The following PCDHA8 variants were observed in gnomAD, a reference collection of about 807,000 sequenced individuals.
PCDHA8 encodes protocadherin alpha-8.
PCDHA8 carries 53 observed loss-of-function variants against 61.8 expected under a neutral mutation model. The ratio of observed to expected loss-of-function variants is 0.86; its 90% CI spans 0.69 to 1.08. PCDHA8 has a LOEUF of 1.08. Ranked by LOEUF, PCDHA8 falls within the 50% of genes least tolerant of loss-of-function variation. The pLI is 0.00. For synonymous variants in PCDHA8, 618 were observed against 556.6 expected, an observed-to-expected ratio of 1.11 and a Z score of -1.55; for missense variants, 1,293 against 1,245.0, an observed-to-expected ratio of 1.04 and a Z score of -0.58.
rs745800805 is a variant in PCDHA8, at chr5:140,935,890, T to C, written c.2395-43059T>C. 2.5e-4 allele frequency among the ~76,000 whole-genome samples: 34 copies of C among 135,750 alleles called. 1 individual carries two copies. Among genetic ancestry groups the C allele is most frequent in the Non-Finnish European group, 4.4e-4 (27 of 61,954 alleles). 89.1% of individuals were successfully genotyped at this position (135,750 alleles called of 152,430 possible). A position where few individuals can be genotyped will look rare whatever the true frequency, so the allele number is the denominator to read the frequency against. On this transcript the variant is annotated intron_variant, in intron 1 of 3. Coordinates refer to ENST00000531613, the MANE Select transcript of PCDHA8 (RefSeq NM_018911.3). ...ATTAATGAGCTCCAATTTATCAATA[T>C]TATCTTTTTTTTTTTTTTTTGAGAC...
intron 1 of PCDHA8, chr5:140,877,033 C>A: frequency 6.2e-7 from 1 of 1,612,480 alleles, no homozygotes; most frequent in East Asian, 2.2e-5. Flanking sequence ...GTACGCGCTG[C>A]AGCCGCTAGA....
At chr5:140,967,980 A>C in intron 1 of PCDHA8, 1 of 1,614,198 alleles carries the variant, frequency 6.2e-7, no homozygotes, top group South Asian at 1.1e-5. Context: ...CTGGGTCTGG[A>C]GGCCACACTG....
chr5:140,884,443 A>G (rs568353165), intron 1 of PCDHA8: 2 of 1,613,454 alleles, frequency 1.2e-6, no homozygotes, highest in South Asian at 2.2e-5. Flanking sequence ...GGTGCTCGGC[A>G]CCGCCCACCG....
At chr5:140,877,196 G>C (rs782703953) in intron 1 of PCDHA8, 1 of 1,613,808 alleles carries the variant, frequency 6.2e-7, no homozygotes, top group East Asian at 2.2e-5. Context: ...AGCGCAGGAG[G>C]CGCAGTTAGC....
intron 1 of PCDHA8, among the ~76,000 whole-genome samples, chr5:140,844,305 T>C (rs1779315965): frequency 1.3e-5 from 2 of 149,704 alleles, no homozygotes; most frequent in Non-Finnish European, 3.0e-5. Context: ...ATAGTTTTCA[T>C]ATTCTTCCTA....
rs782098088 is a variant in PCDHA8, at chr5:140,856,583, CT to C, written c.2394+12870del. On this transcript the variant is annotated intron_variant, in intron 1 of 3. Transcript: ENST00000531613. Reference sequence around the variant, plus strand: ...ACTCAGTCCAAATGAGTATTTTGTTCTTGATATTATAAACAAAAAAGACAAA... The same window carrying C: ...ACTCAGTCCAAATGAGTATTTTGTTCTGATATTATAAACAAAAAAGACAAA... The C allele has an allele frequency of 1.3e-6, 2 of 1,597,002 alleles. 1 individual carries two copies. Among genetic ancestry groups the C allele is most frequent in the African/African-American group, 2.7e-5 (2 of 74,388 alleles).
In PCDHA8 at chr5:140,863,213, A is replaced by C. The variant is rs1554157955; in HGVS notation, c.2394+19498A>C. 2.9e-6 allele frequency: 3 copies of C among 1,051,332 alleles called. No individual in the cohort carries two copies. The South Asian group carries it at 3.7e-5, about 13-fold the overall frequency. The allele number at this position is 1,051,332 out of a possible 1,614,324, so 65.1% of individuals were successfully genotyped here. On this transcript the variant is annotated intron_variant, in intron 1 of 3. Transcript: ENST00000531613. ...GTGGCGTCGCTGGCGGAGAGCAGCC[A>C]AGCGAGGAAGGTCCCATCGCGGGCT... is the stretch of plus-strand genomic sequence containing the variant.
chr5:140,952,041 T>C (rs1202542852), intron 1 of PCDHA8, among the ~76,000 whole-genome samples: 1 of 152,108 alleles, frequency 6.6e-6, no homozygotes, highest in African/African-American at 2.4e-5. Flanking sequence ...AGTAGGGCAG[T>C]TATTAAATCT....
intron 1 of PCDHA8, among the ~76,000 whole-genome samples, chr5:140,938,353 C>G (rs2092034112): frequency 6.6e-6 from 1 of 152,138 alleles, no homozygotes; most frequent in Admixed American, 6.5e-5. Flanking sequence ...TGTCTTATTC[C>G]TGGTCTCAGA....
chr5:140,894,827 T>G (rs2064691411), intron 1 of PCDHA8, among the ~76,000 whole-genome samples: 1 of 152,192 alleles, frequency 6.6e-6, no homozygotes, highest in South Asian at 2.1e-4. Flanking sequence ...TTGCCCATAA[T>G]CCTTTTCTTA....
In PCDHA8 at chr5:141,010,358, C is replaced by G; in HGVS notation, c.*421C>G. 1 of 1,488,620 alleles carries G rather than the reference C, an allele frequency of 6.7e-7. No homozygotes were observed. The highest frequency in any genetic ancestry group is 1.3e-5 in the South Asian group (1 of 76,158). 92.2% of individuals were successfully genotyped at this position (1,488,620 alleles called of 1,614,324 possible). On this transcript the variant is annotated 3_prime_UTR_variant, in exon 4 of 4. Transcript: ENST00000531613. ...GTGGCCACTGGGTATGTGTGGCTAC[C>G]GCGGGTATGCGAGTGCCAGATATTG...
intron 1 of PCDHA8, among the ~76,000 whole-genome samples, chr5:140,946,597 T>A (rs952488909): frequency 1.5e-5 from 2 of 137,412 alleles, no homozygotes; most frequent in Admixed American, 7.5e-5. Context: ...GATGAATAGA[T>A]AAAGAAAATG....
chr5:140,966,998 C>G, intron 1 of PCDHA8: 1 of 1,604,774 alleles, frequency 6.2e-7, no homozygotes. Context: ...GGGTTGCTTG[C>G]GCATCAACCA....
In PCDHA8 at chr5:140,983,247, G is replaced by A. The variant is rs112993813; in HGVS notation, c.2542+684G>A. ...ACTTTCAGGAAAGAGAACCTGCTAA[G>A]TTGTGTAAAAAACCTAATGGCTGGG... On this transcript the variant is annotated intron_variant, in intron 3 of 3. Coordinates refer to ENST00000531613, the MANE Select transcript of PCDHA8 (RefSeq NM_018911.3). Among the ~76,000 whole-genome samples the A allele has an allele frequency of 9.0e-3, 1,377 of 152,306 alleles. 16 individuals are homozygous for A. The highest frequency in any genetic ancestry group is 0.043 in the East Asian group (224 of 5,190).
chr5:140,920,773 G>A (rs374394320), intron 1 of PCDHA8, among the ~76,000 whole-genome samples: 41 of 151,942 alleles, frequency 2.7e-4, no homozygotes, highest in African/African-American at 9.2e-4. Flanking sequence ...ACACCTGGGA[G>A]GTGGAGGTTG....
intron 1 of PCDHA8, chr5:140,850,815 C>T: frequency 6.3e-7 from 1 of 1,598,236 alleles, no homozygotes; most frequent in Non-Finnish European, 8.6e-7. Context: ...GGCCTTCAGC[C>T]CGGGCCTTTC....
At chr5:140,963,659 A>G (rs1474288889) in intron 1 of PCDHA8, among the ~76,000 whole-genome samples, 3 of 152,222 alleles carry the variant, frequency 2.0e-5, no homozygotes. Context: ...TTGATTTCCT[A>G]TATGGCATAG....
Position 140,853,606 on chromosome 5 carries a change from G to T in PCDHA8, c.2394+9891G>T. 3.0e-6 allele frequency: 3 copies of T among 987,448 alleles called. 1 individual carries two copies. The highest frequency in any genetic ancestry group is 3.7e-6 in the Non-Finnish European group (3 of 819,684). The allele number at this position is 987,448 out of a possible 1,614,324, so 61.2% of individuals were successfully genotyped here. A position where few individuals can be genotyped will look rare whatever the true frequency, so the allele number is the denominator to read the frequency against. On this transcript the variant is annotated intron_variant, in intron 1 of 3. Coordinates refer to ENST00000531613, the MANE Select transcript of PCDHA8 (RefSeq NM_018911.3). ...CTTAGACACTTTGAGAGCAAAGGGG[G>T]TGCTGTAAATAAGTATACAAGATCA...
intron 1 of PCDHA8, among the ~76,000 whole-genome samples, chr5:140,939,509 C>T (rs1013863525): frequency 9.3e-5 from 14 of 150,592 alleles, no homozygotes; most frequent in Non-Finnish European, 1.8e-4. Flanking sequence ...ATGTCTATAA[C>T]ATTAATAGTT....
Sources: gnomAD v4.1 joint callset for allele counts (sites outside exome capture counted in the v4.1 genomes callset) on GRCh38, gnomAD v4.1.1 for gene constraint, MANE v1.5 for transcripts, NCBI Gene and HGNC (gene_info 2026-07-23, HGNC 2026-07-21) for gene names.